Variants in PCDHGB2 observed in about 807,000 individuals in gnomAD.
PCDHGB2 encodes protocadherin gamma subfamily B, 2.
In PCDHGB2, 55 loss-of-function variants were observed where a neutral mutation model predicts 59.3. The ratio of observed to expected loss-of-function variants is 0.93; its 90% CI spans 0.75 to 1.16. The LOEUF (loss-of-function observed/expected upper bound fraction) is 1.16. Ranked by LOEUF, PCDHGB2 falls within the 50% of genes most tolerant of loss-of-function variation. The probability of loss-of-function intolerance (pLI) is 0.00; values close to 1 mark genes in which losing one functional copy is unlikely to be tolerated. For missense variants in PCDHGB2, 1,228 were observed against 1,198.5 expected (o/e 1.02, Z -0.36); for synonymous variants, 516 against 512.0 (o/e 1.01, Z -0.11).
intron 1 of PCDHGB2, chr5:141,405,433 T>G (rs539486666): frequency 2.0e-6 from 3 of 1,471,752 alleles, no homozygotes; most frequent in Admixed American, 3.9e-5. Flanking sequence ...TTTTGTTTTG[T>G]TTTTGAGACA....
intron 3 of PCDHGB2, among the ~76,000 whole-genome samples, chr5:141,508,848 TC>T (rs1390332366): frequency 6.6e-5 from 10 of 151,752 alleles, no homozygotes. Context: ...CCCCTTCCAT[TC>T]CCAGGCTGGG....
intron 1 of PCDHGB2, chr5:141,433,013 AC>A: frequency 6.2e-7 from 1 of 1,614,018 alleles, no homozygotes; most frequent in Non-Finnish European, 8.5e-7. Flanking sequence ...TTTCCTGCAG[AC>A]CTATTCCCAC....
Position 141,477,200 on chromosome 5 carries a change from C to T in PCDHGB2, c.2422-17607C>T. ...AGTCACCTCCGTGTACAGCCCAGTACCCGAGGATGCCCCTCTGGGGACTGT... is the reference window on the plus strand; with the variant it reads ...AGTCACCTCCGTGTACAGCCCAGTATCCGAGGATGCCCCTCTGGGGACTGT... On this transcript the variant is annotated intron_variant, in intron 1 of 3. Transcript: ENST00000522605. This position sits in a 1 kb window ranked among gnomAD's most constrained non-coding sequence, Gnocchi z 4.9. The T allele has an allele frequency of 1.2e-6, 2 of 1,614,206 alleles. No individual in the cohort carries two copies. The highest frequency in any genetic ancestry group is 1.3e-5 in the African/African-American group (1 of 75,056).
chr5:141,379,819 A>T (rs1775847622), intron 1 of PCDHGB2, among the ~76,000 whole-genome samples: 1 of 150,144 alleles, frequency 6.7e-6, no homozygotes, highest in African/African-American at 2.4e-5. Context: ...TCAGTATAGA[A>T]TTTTGAAGCA....
chr5:141,394,202 G>A (rs1285720796), intron 1 of PCDHGB2: 2 of 1,613,832 alleles, frequency 1.2e-6, no homozygotes, highest in Non-Finnish European at 1.7e-6. Context: ...ATATCCTAGA[G>A]AACAACCTGA....
Position 141,477,889 on chromosome 5 carries a change from A to T in PCDHGB2, c.2422-16918A>T. 1 of 1,614,152 alleles carries T rather than the reference A, an allele frequency of 6.2e-7. No homozygotes were observed. Among genetic ancestry groups the T allele is most frequent in the Admixed American group, 1.7e-5 (1 of 60,016 alleles). On this transcript the variant is annotated intron_variant, in intron 1 of 3. Coordinates refer to ENST00000522605, the MANE Select transcript of PCDHGB2 (RefSeq NM_018923.3). This position sits in a 1 kb window ranked among gnomAD's most constrained non-coding sequence, Gnocchi z 4.9. The stretch of plus-strand genomic sequence containing the variant: ...GTACCTCAGCTGGCCACCTAGTGTC[A>T]CGGGTGGTAGGCTGGGACGCGGATG...
Position 141,477,230 on chromosome 5 carries a change from G to A in PCDHGB2, c.2422-17577G>A, listed in dbSNP as rs768648952. The A allele has an allele frequency of 1.3e-5, 21 of 1,614,164 alleles. No individual in the cohort carries two copies. The highest frequency in any genetic ancestry group is 1.8e-5 in the Non-Finnish European group (21 of 1,180,046). On this transcript the variant is annotated intron_variant, in intron 1 of 3. Coordinates refer to ENST00000522605, the MANE Select transcript of PCDHGB2 (RefSeq NM_018923.3). This position sits in a 1 kb window ranked among gnomAD's most constrained non-coding sequence, Gnocchi z 4.9. ...GGATGCCCCTCTGGGGACTGTCATC[G>A]CTTTGCTCAGTGTGACTGACCTGGA...
At chr5:141,399,834 G>A (rs375768001) in intron 1 of PCDHGB2, 3 of 1,613,004 alleles carry the variant, frequency 1.9e-6, no homozygotes, top group African/African-American at 2.7e-5. Flanking sequence ...ACGGCTCTGC[G>A]CTCTTCGATA....
At chr5:141,365,868 T>A (rs778651713) in intron 1 of PCDHGB2, 9 of 1,614,024 alleles carry the variant, frequency 5.6e-6, no homozygotes, top group Non-Finnish European at 6.8e-6. Flanking sequence ...GACACCGGTG[T>A]CCTGTATGCT....
intron 1 of PCDHGB2, among the ~76,000 whole-genome samples, chr5:141,488,534 A>C (rs1169478867): frequency 1.3e-5 from 2 of 152,292 alleles, no homozygotes; most frequent in East Asian, 3.9e-4. Flanking sequence ...AGAAAAGCTA[A>C]GTCCCATGTC....
intron 1 of PCDHGB2, among the ~76,000 whole-genome samples, chr5:141,438,614 A>G (rs1208036297): frequency 5.8e-5 from 2 of 34,396 alleles, no homozygotes. Context: ...ATATATATAT[A>G]TATATATATA....
intron 1 of PCDHGB2, among the ~76,000 whole-genome samples, chr5:141,433,690 A>G (rs951380027): frequency 2.0e-5 from 3 of 152,088 alleles, no homozygotes; most frequent in African/African-American, 7.2e-5. Flanking sequence ...ATACAAAATT[A>G]GCCGGGCGTG....
intron 1 of PCDHGB2, chr5:141,408,762 A>G (rs369793035): frequency 1.9e-5 from 30 of 1,610,942 alleles, no homozygotes; most frequent in Non-Finnish European, 2.3e-5. Flanking sequence ...GTTAATTCCG[A>G]TGGTGGCAAA....
intron 1 of PCDHGB2, chr5:141,399,573 A>T (rs1431985190): frequency 6.2e-7 from 1 of 1,614,020 alleles, no homozygotes; most frequent in Admixed American, 1.7e-5. Flanking sequence ...TGAACGGCCA[A>T]GTCTCCTACT....
At chr5:141,388,590 A>G in intron 1 of PCDHGB2, 9 of 1,613,920 alleles carry the variant, frequency 5.6e-6, no homozygotes, top group Non-Finnish European at 7.6e-6. Flanking sequence ...GACTGATGCC[A>G]ATGATAATGC....
chr5:141,478,637 G>A (rs1227108157), intron 1 of PCDHGB2: 2 of 1,552,684 alleles, frequency 1.3e-6, no homozygotes, highest in Non-Finnish European at 1.7e-6. Context: ...TTTTAGTGAT[G>A]AAGATGTTTT....
At chr5:141,384,778 C>T (rs1206898496) in intron 1 of PCDHGB2, 6 of 1,613,608 alleles carry the variant, frequency 3.7e-6, no homozygotes, top group East Asian at 2.2e-5. Flanking sequence ...GGGCGAGGTG[C>T]GCACGGCTCG....
chr5:141,365,394 C>A (rs1245270195), intron 1 of PCDHGB2: 2 of 1,613,822 alleles, frequency 1.2e-6, no homozygotes, highest in Admixed American at 1.7e-5. Context: ...CTGACCAGTT[C>A]GATCTCTGAA....
At chr5:141,375,673 G>A (rs1467021613) in intron 1 of PCDHGB2, 1 of 1,614,248 alleles carries the variant, frequency 6.2e-7, no homozygotes. Flanking sequence ...ACCTACAGCT[G>A]TGGGTGACAG....
Sources: allele counts gnomAD v4.1 joint callset (sites outside exome capture counted in the v4.1 genomes callset), GRCh38; gene constraint gnomAD v4.1.1; non-coding constraint Gnocchi (gnomAD v3.1); transcripts MANE v1.5; gene names NCBI Gene and HGNC (gene_info 2026-07-23, HGNC 2026-07-21).